The following PODXL2 variants were observed in gnomAD, a reference collection of about 807,000 sequenced individuals.
PODXL2 encodes podocalyxin like 2.
Under a neutral mutation model 53.4 loss-of-function variants are expected in PODXL2, and 17 were observed. The ratio of observed to expected loss-of-function variants is 0.32; its 90% CI spans 0.22 to 0.48. PODXL2 has a LOEUF of 0.48. Ranked by LOEUF, PODXL2 falls within the 20% of genes least tolerant of loss-of-function variation. PODXL2 has a pLI of 0.99. For synonymous variants in PODXL2, 311 were observed against 306.7 expected (o/e 1.01, Z -0.15); for missense variants, 673 against 760.0 (o/e 0.89, Z 1.35).
chr3:127,669,170 A>G lies in PODXL2; in HGVS notation c.1393A>G (p.Met465Val). The G allele has an allele frequency of 6.2e-7, 1 of 1,608,142 alleles. No homozygotes were observed. Among genetic ancestry groups the G allele is most frequent in the Non-Finnish European group, 8.5e-7 (1 of 1,177,850 alleles). The change falls in exon 6 of 8, where the codon ATG (methionine) becomes GTG (valine). Residue 465 changes from methionine (M) to valine (V), a missense_variant. By Grantham distance (21) the Met-to-Val change is conservative. Around this residue, in one of 3 missense-constraint regions of PODXL2, gnomAD observed 588 missense variants for 668.3 expected, o/e 0.88. Transcript: ENST00000342480. ...GVVPTQDVLS[M>V]LGDIRRSLEE... The stretch of plus-strand genomic sequence containing the variant: ...GGTGCCCACTCAAGATGTCCTTTCC[A>G]TGCTGGGTGACATCCGCAGGAGCCT...
chr3:127,640,261 G>T (rs1043584821), intron 2 of PODXL2, among the ~76,000 whole-genome samples: 13 of 152,260 alleles, frequency 8.5e-5, no homozygotes, highest in Non-Finnish European at 1.8e-4. Flanking sequence ...TGGTGTGATT[G>T]TGTGTGCACA....
At chr3:127,653,924 T>C (rs2074705267) in intron 2 of PODXL2, among the ~76,000 whole-genome samples, 1 of 152,216 alleles carries the variant, frequency 6.6e-6, no homozygotes, top group Admixed American at 6.5e-5. Context: ...TACTTCAGTG[T>C]GCATTTCTTA....
At chr3:127,665,943 G>C (rs1299066726) in intron 4 of PODXL2, 1 of 471,546 alleles carries the variant, frequency 2.1e-6, no homozygotes, top group Non-Finnish European at 4.3e-6. Flanking sequence ...ACTAAGATCT[G>C]GGCCCCAGGT....
At chr3:127,632,298 TGC>T (rs2074552305) in intron 1 of PODXL2, among the ~76,000 whole-genome samples, 1 of 152,198 alleles carries the variant, frequency 6.6e-6, no homozygotes, top group Non-Finnish European at 1.5e-5. Context: ...AGCCTCTCCC[TGC>T]CATGCCACAG....
intron 2 of PODXL2, among the ~76,000 whole-genome samples, chr3:127,647,502 C>T (rs2074663491): frequency 6.6e-6 from 1 of 152,208 alleles, no homozygotes; most frequent in African/African-American, 2.4e-5. Flanking sequence ...TTGGGGTTGG[C>T]AAGTCCTAGA....
intron 2 of PODXL2, among the ~76,000 whole-genome samples, chr3:127,646,442 T>C (rs1294943276): frequency 6.6e-6 from 1 of 151,930 alleles, no homozygotes; most frequent in Non-Finnish European, 1.5e-5. Context: ...TGGAGTACAA[T>C]GGTGCAACAG....
intron 4 of PODXL2, among the ~76,000 whole-genome samples, chr3:127,665,222 C>T (rs2074789672): frequency 6.6e-6 from 1 of 152,212 alleles, no homozygotes; most frequent in Non-Finnish European, 1.5e-5. Context: ...CTCCTTTAAT[C>T]TGGAATAGTT....
At position 127,669,130 on chromosome 3, in the gene PODXL2, T is replaced by A. The variant is rs1160718589; in HGVS notation, c.1364-11T>A. 6.3e-7 allele frequency: 1 copy of A among 1,594,778 alleles called. No individual in the cohort carries two copies. Among genetic ancestry groups the A allele is most frequent in the African/African-American group, 1.4e-5 (1 of 73,828 alleles). ...ATGGTCACACTGATAGTGGTGTTTC[T>A]TACCCCCCAGGGGTGGTGCCCACTC... On this transcript the variant is annotated splice_polypyrimidine_tract_variant and intron_variant, in intron 5 of 7. Transcript: ENST00000342480.
In PODXL2 at chr3:127,660,915, T is replaced by G; in HGVS notation, c.887T>G (p.Leu296Trp). Residue 296 changes from leucine (L) to tryptophan (W), a missense_variant, in exon 3 of 8, where the codon TTG (leucine) becomes TGG (tryptophan). Coordinates refer to ENST00000342480, the MANE Select transcript of PODXL2 (RefSeq NM_015720.4). ...GAAGCCACTGCAGGAGCAGCTGGTT[T>G]GTCTGGCCAGCACGAGGAGGTGCCG... ...SEEATAGAAG[L>W]SGQHEEVPAL... 4.3e-6 allele frequency: 7 copies of G among 1,614,254 alleles called. No individual in the cohort carries two copies. Among genetic ancestry groups the G allele is most frequent in the Non-Finnish European group, 5.9e-6 (7 of 1,180,044 alleles).
intron 2 of PODXL2, among the ~76,000 whole-genome samples, chr3:127,656,726 C>G (rs1160567210): frequency 1.9e-5 from 2 of 107,288 alleles, no homozygotes; most frequent in African/African-American, 7.6e-5. Context: ...CAGAGCAAGA[C>G]TCCATCTCAA....
chr3:127,662,763 A>G (rs1459246660), intron 4 of PODXL2, among the ~76,000 whole-genome samples: 1 of 152,174 alleles, frequency 6.6e-6, no homozygotes, highest in Admixed American at 6.5e-5. Flanking sequence ...TAGGGTTGTC[A>G]GCTATGGCTT....
rs1443999365 is a variant in PODXL2 at position 127,672,696 on chromosome 3, TGGCCCCGCTTTCCCGCCCCTGAACCCC to T, written c.*225_*251del. 1.6e-5 allele frequency: 7 copies of T among 443,288 alleles called. No homozygotes were observed. In the South Asian group the frequency reaches 1.6e-4, roughly 10 times the overall value. The allele number at this position is 443,288 out of a possible 1,614,324, so 27.5% of individuals were successfully genotyped here. On this transcript the variant is annotated 3_prime_UTR_variant, in exon 8 of 8. Transcript: ENST00000342480. Reference sequence around the variant, plus strand: ...GAGGGGCAGGCCTCAAAGCCCGCCTTGGCCCCGCTTTCCCGCCCCTGAACCCCGGCCCCGCGGGCGGCGGGCGGCGCT... The same window carrying T: ...GAGGGGCAGGCCTCAAAGCCCGCCTTGGCCCCGCGGGCGGCGGGCGGCGCT...
rs150263595 is a variant in PODXL2 at position 127,643,728 on chromosome 3, T to G, written c.349+4205T>G. On this transcript the variant is annotated intron_variant, in intron 2 of 7. Coordinates refer to ENST00000342480, the MANE Select transcript of PODXL2 (RefSeq NM_015720.4). The stretch of plus-strand genomic sequence containing the variant: ...ATCTCAGCTCACTGCAGCCTTGACC[T>G]CCTGGGCTCAATCGATCCTCCTGCT... Among the ~76,000 whole-genome samples the G allele has an allele frequency of 3.3e-3, 508 of 152,256 alleles. 4 individuals carry two copies. Among genetic ancestry groups the G allele is most frequent in the Non-Finnish European group, 3.8e-3 (261 of 68,024 alleles).
At chr3:127,642,880 A>G (rs974843886) in intron 2 of PODXL2, among the ~76,000 whole-genome samples, 4 of 152,144 alleles carry the variant, frequency 2.6e-5, no homozygotes, top group Admixed American at 6.6e-5. Context: ...TTGGCGAGTA[A>G]CTAACCCTAA....
intron 1 of PODXL2, among the ~76,000 whole-genome samples, chr3:127,633,839 C>T (rs953513503): frequency 7.2e-5 from 11 of 151,758 alleles, no homozygotes; most frequent in South Asian, 2.1e-4. Flanking sequence ...GAAAGCTTCT[C>T]GGAAGCTGAG....
intron 1 of PODXL2, among the ~76,000 whole-genome samples, chr3:127,635,187 C>G (rs929207464): frequency 2.0e-5 from 3 of 152,228 alleles, no homozygotes; most frequent in Non-Finnish European, 2.9e-5. Flanking sequence ...GTGTACTGAG[C>G]ACAGTTAGTA....
At chr3:127,663,598 A>G (rs1212785674) in intron 4 of PODXL2, among the ~76,000 whole-genome samples, 1 of 152,214 alleles carries the variant, frequency 6.6e-6, no homozygotes, top group African/African-American at 2.4e-5. Context: ...CATTGCAGTT[A>G]TTATTTTTAC....
At position 127,669,173 on chromosome 3, in the gene PODXL2, C is replaced by T. The variant is rs1281123531; in HGVS notation, c.1396C>T (p.Leu466=). Residue 466 remains leucine (L), a synonymous_variant, in exon 6 of 8, where the codon CTG becomes TTG. Transcript: ENST00000342480. The part of the protein sequence containing the change: ...VVPTQDVLSM[L]GDIRRSLEEI... ...GCCCACTCAAGATGTCCTTTCCATG[C>T]TGGGTGACATCCGCAGGAGCCTGGA... 1.2e-6 allele frequency: 2 copies of T among 1,607,648 alleles called. No homozygotes were observed.
chr3:127,658,625 T>C (rs1342777584), intron 2 of PODXL2, among the ~76,000 whole-genome samples: 7 of 152,178 alleles, frequency 4.6e-5, no homozygotes, highest in Admixed American at 2.6e-4. Context: ...GCTACTGATA[T>C]TAATTAGAAG....
Sources: gnomAD v4.1 joint callset for allele counts (sites outside exome capture counted in the v4.1 genomes callset) on GRCh38, gnomAD v4.1.1 for gene constraint, gnomAD v4.1.1 regional missense constraint, MANE v1.5 for transcripts, NCBI Gene and HGNC (gene_info 2026-07-23, HGNC 2026-07-21) for gene names.